Variants in PCDHGA8 observed in about 807,000 individuals in gnomAD.
PCDHGA8 encodes the protein protocadherin gamma-A8.
PCDHGA8 carries 45 observed loss-of-function variants against 59.2 expected under a neutral mutation model. That is an observed-to-expected ratio of 0.76 (90% CI 0.60 to 0.98). The LOEUF (loss-of-function observed/expected upper bound fraction) is 0.98, where lower values mean the gene tolerates loss of function less well. PCDHGA8 is among the 50% of genes least tolerant of loss of function. PCDHGA8 has a pLI of 0.00. For synonymous variants in PCDHGA8, 531 were observed against 519.0 expected (o/e 1.02, Z -0.32); for missense variants, 1,257 against 1,196.2 (o/e 1.05, Z -0.75).
rs151119016 is a variant in PCDHGA8, at chr5:141,489,949, G to C, written c.2425-4858G>C. On this transcript the variant is annotated intron_variant, in intron 1 of 3. Transcript: ENST00000398604. The surrounding 1 kb of genome is among the most constrained non-coding windows in gnomAD (Gnocchi z 4.5). ...CTCTGTCATCGTGCTGGACATCAAT[G>C]ATAATGCTCCAACCTTCCAATCCTC... is the stretch of plus-strand genomic sequence containing the variant. 1 of 1,614,198 alleles carries C rather than the reference G, an allele frequency of 6.2e-7. No individual in the cohort carries two copies. Among genetic ancestry groups the C allele is most frequent in the Non-Finnish European group, 8.5e-7 (1 of 1,180,028 alleles).
chr5:141,496,251 G>A (rs746722054), intron 2 of PCDHGA8, among the ~76,000 whole-genome samples: 7 of 152,150 alleles, frequency 4.6e-5, no homozygotes, highest in African/African-American at 7.2e-5. Context: ...TGAAGGGGAG[G>A]GAAACTTCAG....
At chr5:141,425,381 A>C (rs1374877185) in intron 1 of PCDHGA8, among the ~76,000 whole-genome samples, 3 of 152,194 alleles carry the variant, frequency 2.0e-5, no homozygotes, top group African/African-American at 7.2e-5. Flanking sequence ...GTTGATTCGG[A>C]GGTAGTGATA....
intron 1 of PCDHGA8, chr5:141,407,996 TGG>T: frequency 1.1e-6 from 1 of 872,310 alleles, no homozygotes; most frequent in South Asian, 2.0e-5. Flanking sequence ...GCCTCTGGCC[TGG>T]GATTCCCTGC....
intron 1 of PCDHGA8, chr5:141,410,406 C>A (rs1361000460): frequency 6.2e-7 from 1 of 1,614,050 alleles, no homozygotes; most frequent in Non-Finnish European, 8.5e-7. Flanking sequence ...TGTGTCAAGT[C>A]TGGACCTGTA....
At chr5:141,398,936 AC>A in intron 1 of PCDHGA8, 1 of 1,613,962 alleles carries the variant, frequency 6.2e-7, no homozygotes, top group East Asian at 2.2e-5. Context: ...ACTGACCAAG[AC>A]GAGGGCATCA....
chr5:141,486,263 G>GAACCTGGC lies in PCDHGA8; in HGVS notation c.2425-8542_2425-8535dup. 6.2e-7 allele frequency: 1 copy of GAACCTGGC among 1,614,090 alleles called. No homozygotes were observed. Among genetic ancestry groups the GAACCTGGC allele is most frequent in the South Asian group, 1.1e-5 (1 of 91,064 alleles). On this transcript the variant is annotated intron_variant, in intron 1 of 3. Coordinates refer to ENST00000398604, the MANE Select transcript of PCDHGA8 (RefSeq NM_032088.2). This position sits in a 1 kb window ranked among gnomAD's most constrained non-coding sequence, Gnocchi z 5.0. ...GCTTGGAACCCTCCCCGAGAGTGCAGAACCTGGCACTGTGGTGGCACTTAT... is the reference window on the plus strand; with the variant it reads ...GCTTGGAACCCTCCCCGAGAGTGCAGAACCTGGCAACCTGGCACTGTGGTGGCACTTAT...
chr5:141,455,919 A>T, intron 1 of PCDHGA8, among the ~76,000 whole-genome samples: 1 of 145,568 alleles, frequency 6.9e-6, no homozygotes, highest in Non-Finnish European at 1.5e-5. Context: ...TTATTTTGAG[A>T]CGGAGTCTCG....
chr5:141,395,151 A>G lies in PCDHGA8; in HGVS notation c.2338A>G (p.Ile780Val). 1 of 1,612,516 alleles carries G rather than the reference A, an allele frequency of 6.2e-7. No individual in the cohort carries two copies. Among genetic ancestry groups the G allele is most frequent in the Non-Finnish European group, 8.5e-7 (1 of 1,178,476 alleles). ...FPQPNYADML[I>V]SQEGCEKNDS... ...CCAGCCCAACTACGCAGACATGCTCATCAGTCAGGAGGGCTGTGAGAAAAA... is the reference window on the plus strand; with the variant it reads ...CCAGCCCAACTACGCAGACATGCTCGTCAGTCAGGAGGGCTGTGAGAAAAA... Residue 780 changes from isoleucine (I) to valine (V), a missense_variant, in exon 1 of 4, where the codon ATC becomes GTC. By Grantham distance (29) the Ile-to-Val change is conservative (BLOSUM62 3). Transcript: ENST00000398604.
At chr5:141,503,814 T>C (rs539980053) in intron 2 of PCDHGA8, among the ~76,000 whole-genome samples, 2 of 152,100 alleles carry the variant, frequency 1.3e-5, no homozygotes, top group East Asian at 3.9e-4. Flanking sequence ...GAATCCCAGA[T>C]TGGGCAAAAC....
chr5:141,410,079 T>A, intron 1 of PCDHGA8: 1 of 1,612,494 alleles, frequency 6.2e-7, no homozygotes, highest in Non-Finnish European at 8.5e-7. Context: ...ACTGGGGAGG[T>A]GCGCACGGCT....
chr5:141,444,152 ATTTTTTTTTTTTTTTTTTTTTTTTT>A (rs747671382), intron 1 of PCDHGA8, among the ~76,000 whole-genome samples: 1 of 33,882 alleles, frequency 3.0e-5, no homozygotes, highest in Non-Finnish European at 5.2e-5. Context: ...TGTGTACTGG[ATTTTTTTTTTTTTTTTTTTTTTTTT>A]TTTTTTTTTT....
At chr5:141,399,376 AC>A (rs1398817003) in intron 1 of PCDHGA8, 1 of 1,613,956 alleles carries the variant, frequency 6.2e-7, no homozygotes, top group Non-Finnish European at 8.5e-7. Flanking sequence ...GTACAATGTC[AC>A]CATCACAGCC....
rs560662076 is a variant in PCDHGA8, at chr5:141,498,856, C to A, written c.2483+3991C>A. Among the ~76,000 whole-genome samples, 72 of 152,004 alleles carry A rather than the reference C, an allele frequency of 4.7e-4. 2 individuals carry two copies. Among genetic ancestry groups the A allele is most frequent in the African/African-American group, 1.7e-3 (69 of 41,430 alleles). ...GCTGAGGCAGGGGAATCGCTTGAACCCAGGAGGCGGAGGTTGCAGTGAGCT... is the reference window on the plus strand; with the variant it reads ...GCTGAGGCAGGGGAATCGCTTGAACACAGGAGGCGGAGGTTGCAGTGAGCT... On this transcript the variant is annotated intron_variant, in intron 2 of 3. Coordinates refer to ENST00000398604, the MANE Select transcript of PCDHGA8 (RefSeq NM_032088.2).
chr5:141,410,780 A>T, intron 1 of PCDHGA8: 1 of 803,810 alleles, frequency 1.2e-6, no homozygotes. Context: ...TTCACTATGT[A>T]TTTGGTTCAT....
intron 1 of PCDHGA8, chr5:141,411,189 T>G (rs1222862554): frequency 6.6e-6 from 1 of 152,208 alleles, no homozygotes; most frequent in Non-Finnish European, 1.5e-5. Context: ...TCTTGGCATC[T>G]AAGAAAACAA....
chr5:141,410,553 C>T, intron 1 of PCDHGA8: 1 of 1,613,232 alleles, frequency 6.2e-7, no homozygotes. Context: ...TGCAGTGTTT[C>T]TCCTGGAGCC....
At chr5:141,466,621 T>A (rs911794654) in intron 1 of PCDHGA8, among the ~76,000 whole-genome samples, 1 of 152,208 alleles carries the variant, frequency 6.6e-6, no homozygotes, top group Non-Finnish European at 1.5e-5. Context: ...GCCGTTTTCT[T>A]TGGAGCATTG....
chr5:141,415,740 GTTTTTTTTTTTT>G lies in PCDHGA8; in HGVS notation c.2424+20524_2424+20535del, dbSNP rs57426385. ...TGAGTAGAATTTGATGTTTATTAAGGTTTTTTTTTTTTTTTTTTTTTTTTTTTTTTTTACTTT... is the reference window on the plus strand; with the variant it reads ...TGAGTAGAATTTGATGTTTATTAAGGTTTTTTTTTTTTTTTTTTTTACTTT... On this transcript the variant is annotated intron_variant, in intron 1 of 3. Transcript: ENST00000398604. The G allele has an allele frequency of 5.3e-4, 329 of 624,896 alleles. 2 individuals are homozygous for G. Among genetic ancestry groups the G allele is most frequent in the African/African-American group, 1.2e-3 (49 of 39,888 alleles). The allele number at this position is 624,896 out of a possible 1,614,324, so 38.7% of individuals were successfully genotyped here.
intron 2 of PCDHGA8, among the ~76,000 whole-genome samples, chr5:141,498,963 GGGAGGGAGGGAAGGAAGGAA>G (rs1472475865): frequency 5.7e-4 from 74 of 129,970 alleles, no homozygotes; most frequent in Non-Finnish European, 2.6e-4. Flanking sequence ...GAGAGAGGGA[GGGAGGGAGGGAAGGAAGGAA>G]GGAAGGAAGG....
Sources: allele counts gnomAD v4.1 joint callset (sites outside exome capture counted in the v4.1 genomes callset), GRCh38; gene constraint gnomAD v4.1.1; non-coding constraint Gnocchi (gnomAD v3.1); transcripts MANE v1.5; gene names NCBI Gene and HGNC (gene_info 2026-07-23, HGNC 2026-07-21).